The following KCNH2 variants were observed in gnomAD, a reference collection of about 807,000 sequenced individuals.
KCNH2 encodes the protein potassium voltage-gated channel subfamily H member 2.
In KCNH2, 35 loss-of-function variants were observed where a neutral mutation model predicts 95.9. The ratio of observed to expected loss-of-function variants is 0.37; its 90% CI spans 0.28 to 0.48. The LOEUF (loss-of-function observed/expected upper bound fraction) is 0.48, where lower values mean the gene tolerates loss of function less well. Ranked by LOEUF, KCNH2 falls within the 20% of genes least tolerant of loss-of-function variation. KCNH2 has a pLI of 0.99. For synonymous variants in KCNH2, 786 were observed against 754.7 expected, an observed-to-expected ratio of 1.04 and a Z score of -0.68; for missense variants, 1,274 against 1,702.9, an observed-to-expected ratio of 0.75 and a Z score of 4.43.
intron 1 of KCNH2, among the ~76,000 whole-genome samples, chr7:150,975,885 G>C (rs1291048902): frequency 3.9e-5 from 6 of 152,292 alleles, no homozygotes; most frequent in African/African-American, 1.4e-4. Flanking sequence ...TAGGAAAACA[G>C]ACCCAAGAAA....
rs757838122 is a variant in KCNH2 at position 150,952,403 on chromosome 7, C to A, written c.1557+22G>T. On this transcript the variant is annotated intron_variant, in intron 6 of 14. Transcript: ENST00000262186. This position sits in a 1 kb window ranked among gnomAD's most constrained non-coding sequence, Gnocchi z 7.3. ...CCTGGCCTCTCCTCTCCCTACACCA[C>A]CTGCCTCCTTGCTGACCCCACCTCC... 6.8e-6 allele frequency: 11 copies of A among 1,612,052 alleles called. No individual in the cohort carries two copies. In the South Asian group the frequency reaches 1.1e-4, roughly 16 times the overall value.
rs1036510534 is a variant in KCNH2 at position 150,955,687 on chromosome 7, TG to T, written c.1128+1603del. 1.7e-5 allele frequency: 24 copies of T among 1,372,974 alleles called. No individual in the cohort carries two copies. The African/African-American group carries it at 3.6e-4, about 21-fold the overall frequency. The allele number at this position is 1,372,974 out of a possible 1,614,324, so 85.0% of individuals were successfully genotyped here. A position where few individuals can be genotyped will look rare whatever the true frequency, so the allele number is the denominator to read the frequency against. On this transcript the variant is annotated intron_variant, in intron 5 of 14. Transcript: ENST00000262186. ...CTGGGCCCCAGGGCTGGGGTCACCC[TG>T]GCAGTAAGCGTGGGCAGCAGCCTGC...
intron 5 of KCNH2, chr7:150,955,831 C>T (rs1354575332): frequency 7.3e-6 from 8 of 1,095,026 alleles, no homozygotes; most frequent in East Asian, 5.4e-5. Flanking sequence ...CAGCCGGCCC[C>T]TCCTTCTACC....
In KCNH2 at chr7:150,952,404, C is replaced by G; in HGVS notation, c.1557+21G>C. The G allele has an allele frequency of 6.2e-7, 1 of 1,612,412 alleles. No individual in the cohort carries two copies. The highest frequency in any genetic ancestry group is 8.5e-7 in the Non-Finnish European group (1 of 1,179,148). ...CTGGCCTCTCCTCTCCCTACACCAC[C>G]TGCCTCCTTGCTGACCCCACCTCCT... On this transcript the variant is annotated intron_variant, in intron 6 of 14. Coordinates refer to ENST00000262186, the MANE Select transcript of KCNH2 (RefSeq NM_000238.4). The surrounding 1 kb of genome is among the most constrained non-coding windows in gnomAD (Gnocchi z 7.3).
chr7:150,966,290 G>A (rs1486351187), intron 2 of KCNH2, among the ~76,000 whole-genome samples: 3 of 84 alleles, frequency 0.036, no homozygotes, highest in Non-Finnish European at 0.083. Flanking sequence ...CAGACAGCCT[G>A]GTAAGCTTTG....
intron 1 of KCNH2, among the ~76,000 whole-genome samples, chr7:150,976,711 G>A (rs1323805545): frequency 7.2e-5 from 11 of 151,910 alleles, no homozygotes; most frequent in African/African-American, 2.7e-4. Context: ...CAGTGGCAAA[G>A]GTAGGGCTAG....
Position 150,978,001 on chromosome 7 carries a change from G to T in KCNH2, c.-88C>A. The stretch of plus-strand genomic sequence containing the variant: ...AGGCTTCGGGTGGCCCGGCCGGGCC[G>T]TGGTCCCCGCACCCCGCGGCCAAGC... On this transcript the variant is annotated 5_prime_UTR_variant, in exon 1 of 15. Coordinates refer to ENST00000262186, the MANE Select transcript of KCNH2 (RefSeq NM_000238.4). The T allele has an allele frequency of 1.6e-6, 1 of 613,078 alleles. No individual in the cohort carries two copies. The highest frequency in any genetic ancestry group is 2.3e-6 in the Non-Finnish European group (1 of 429,796). The allele number at this position is 613,078 out of a possible 1,614,324, so 38.0% of individuals were successfully genotyped here.
Position 150,958,434 on chromosome 7 carries a change from G to A in KCNH2, c.541C>T (p.Arg181Trp), listed in dbSNP as rs1189135004. The A allele has an allele frequency of 4.1e-6, 6 of 1,460,838 alleles. No homozygotes were observed. Among genetic ancestry groups the A allele is most frequent in the South Asian group, 1.3e-5 (1 of 75,704 alleles). The allele number at this position is 1,460,838 out of a possible 1,614,324, so 90.5% of individuals were successfully genotyped here. Residue 181 changes from arginine to tryptophan, a missense_variant, in exon 4 of 15, where the codon CGG (arginine) becomes TGG (tryptophan). Physicochemically the swap from Arg to Trp is moderately radical, Grantham distance 101 (BLOSUM62 -3). Coordinates refer to ENST00000262186, the MANE Select transcript of KCNH2 (RefSeq NM_000238.4). Reference sequence around the variant, plus strand: ...CCCGCGCCGCCCGCGCCGCCCGACCGCACCGACGACTCCCGGGCCGTCAGC... The same window carrying A: ...CCCGCGCCGCCCGCGCCGCCCGACCACACCGACGACTCCCGGGCCGTCAGC... ...LALTARESSV[R>W]SGGAGGAGAP...
At chr7:150,948,828 G>A in intron 10 of KCNH2, 28 bp downstream of exon 10, 1 of 1,601,656 alleles carries the variant, frequency 6.2e-7, no homozygotes, top group Non-Finnish European at 8.6e-7. Flanking sequence ...GCAGGAGGAT[G>A]GGGTCCAGCT....
At position 150,947,729 on chromosome 7, in the gene KCNH2, G is replaced by A. The variant is rs121912514; in HGVS notation, c.2842C>T (p.Arg948Cys). The part of the protein sequence containing the change: ...PESSEDEGPG[R>C]SSSPLRLVPF... ...ACCAGGCGGAGGGGGCTGGAGCTGC[G>A]GCCTGGGCCCTCATCCTCACTGCTC... Residue 948 changes from arginine to cysteine, a missense_variant, in exon 12 of 15, where the codon CGC becomes TGC. Transcript: ENST00000262186. The A allele has an allele frequency of 3.3e-5, 52 of 1,565,084 alleles. No individual in the cohort carries two copies. Among genetic ancestry groups the A allele is most frequent in the South Asian group, 2.4e-4 (21 of 86,230 alleles).
Position 150,945,581 on chromosome 7 carries a change from G to A in KCNH2, c.3331-67C>T, listed in dbSNP as rs969172773. On this transcript the variant is annotated intron_variant, in intron 14 of 14. Transcript: ENST00000262186. This position sits in a 1 kb window ranked among gnomAD's most constrained non-coding sequence, Gnocchi z 5.6. ...AGGAGGAGGAAGGGGAGGGAAAGGG[G>A]CAGGAGAACCCGGGGACAGAGGATG... is the stretch of plus-strand genomic sequence containing the variant. 2.0e-6 allele frequency: 3 copies of A among 1,496,132 alleles called. No homozygotes were observed. Among genetic ancestry groups the A allele is most frequent in the African/African-American group, 1.4e-5 (1 of 72,066 alleles). 92.7% of individuals were successfully genotyped at this position (1,496,132 alleles called of 1,614,324 possible). A position where few individuals can be genotyped will look rare whatever the true frequency, so the allele number is the denominator to read the frequency against.
intron 3 of KCNH2, 38 bp from the exon 4 acceptor site, chr7:150,958,540 G>A (rs1175588624): frequency 1.4e-6 from 2 of 1,458,618 alleles, no homozygotes; most frequent in South Asian, 1.3e-5. Flanking sequence ...TGGGGATCGC[G>A]AGCAGCCCCG....
rs76547432 is a variant in KCNH2, at chr7:150,947,405, G to T, written c.3075C>A (p.Ile1025=). ...GCCGCCGACCCGGGCTGGAGAGGGG[G>T]ATGTTGAGGAGGCTGGGGGTGGGGG... The part of the protein sequence containing the change: ...CPAPTPSLLN[I]PLSSPGRRPR... The change falls in exon 13 of 15, where the codon ATC becomes ATA. Residue 1025 remains isoleucine (I), a synonymous_variant. Transcript: ENST00000262186. 2.6e-6 allele frequency: 4 copies of T among 1,532,960 alleles called. No individual in the cohort carries two copies. The highest frequency in any genetic ancestry group is 2.5e-5 in the East Asian group (1 of 40,490). 95.0% of individuals were successfully genotyped at this position (1,532,960 alleles called of 1,614,324 possible).
rs2116987080 is a variant in KCNH2, at chr7:150,955,465, A to G, written c.1128+1826T>C. ...GGCCTTTCTGGGCCCTGGGCCGCAGAGCCCCTGTCCTGCTCGCCTTCCCGG... is the reference window on the plus strand; with the variant it reads ...GGCCTTTCTGGGCCCTGGGCCGCAGGGCCCCTGTCCTGCTCGCCTTCCCGG... On this transcript the variant is annotated intron_variant, in intron 5 of 14. Coordinates refer to ENST00000262186, the MANE Select transcript of KCNH2 (RefSeq NM_000238.4). 6.4e-7 allele frequency: 1 copy of G among 1,560,860 alleles called. No individual in the cohort carries two copies. Among genetic ancestry groups the G allele is most frequent in the Non-Finnish European group, 8.7e-7 (1 of 1,153,442 alleles).
chr7:150,959,241 C>G (rs368443332), intron 3 of KCNH2, among the ~76,000 whole-genome samples: 1 of 152,182 alleles, frequency 6.6e-6, no homozygotes, highest in Non-Finnish European at 1.5e-5. Flanking sequence ...GTTCCCCACC[C>G]TGGGCTGCTC....
In KCNH2 at chr7:150,945,609, C is replaced by T. The variant is rs549950676; in HGVS notation, c.3331-95G>A. 1.8e-4 allele frequency: 235 copies of T among 1,328,794 alleles called. No homozygotes were observed. Among genetic ancestry groups the T allele is most frequent in the African/African-American group, 1.2e-3 (82 of 68,576 alleles). The allele number at this position is 1,328,794 out of a possible 1,614,324, so 82.3% of individuals were successfully genotyped here. On this transcript the variant is annotated intron_variant, in intron 14 of 14. Coordinates refer to ENST00000262186, the MANE Select transcript of KCNH2 (RefSeq NM_000238.4). The surrounding 1 kb of genome is among the most constrained non-coding windows in gnomAD (Gnocchi z 5.6). Reference sequence around the variant, plus strand: ...GGAGAACCCGGGGACAGAGGATGGACGGGAGGACAGGAGGGCCAAGAGGAG... The same window carrying T: ...GGAGAACCCGGGGACAGAGGATGGATGGGAGGACAGGAGGGCCAAGAGGAG...
intron 5 of KCNH2, 110 bp downstream of exon 5, chr7:150,957,181 G>A: frequency 1.1e-6 from 1 of 885,042 alleles, no homozygotes; most frequent in South Asian, 1.4e-5. Context: ...CTCCCTCCAA[G>A]AGGCCCTCAC....
chr7:150,976,390 A>G (rs1801980530), intron 1 of KCNH2, among the ~76,000 whole-genome samples: 1 of 152,052 alleles, frequency 6.6e-6, no homozygotes, highest in African/African-American at 2.4e-5. Context: ...CCAGGCAGCC[A>G]TCAATTCCAG....
rs1801438642 is a variant in KCNH2, at chr7:150,958,095, C to T, written c.880G>A (p.Gly294Arg). The change falls in exon 4 of 15, where the codon GGG (glycine) becomes AGG (arginine). Residue 294 changes from glycine to arginine, a missense_variant. By Grantham distance (125) the Gly-to-Arg change is moderately radical (BLOSUM62 -2). Coordinates refer to ENST00000262186, the MANE Select transcript of KCNH2 (RefSeq NM_000238.4). The stretch of plus-strand genomic sequence containing the variant: ...TGGCGCGGTGGCGGGGGCAGCACCC[C>T]GGCGCGCATGGCCTCGATGTCGTCG... The part of the protein sequence containing the change: ...SADDIEAMRA[G>R]VLPPPPRHAS... 9 of 1,286,688 alleles carry T rather than the reference C, an allele frequency of 7.0e-6. No homozygotes were observed. Among genetic ancestry groups the T allele is most frequent in the Non-Finnish European group, 8.8e-6 (9 of 1,021,262 alleles). 79.7% of individuals were successfully genotyped at this position (1,286,688 alleles called of 1,614,324 possible).
Sources: gnomAD v4.1 joint callset for allele counts (sites outside exome capture counted in the v4.1 genomes callset) on GRCh38, gnomAD v4.1.1 for gene constraint, Gnocchi (gnomAD v3.1) non-coding constraint, MANE v1.5 for transcripts, NCBI Gene and HGNC (gene_info 2026-07-23, HGNC 2026-07-21) for gene names.